HHLA2: variants seen among roughly 807,000 people sequenced by gnomAD.
HHLA2 encodes the protein HERV-H LTR-associating protein 2.
In HHLA2, 48 loss-of-function variants were observed where a neutral mutation model predicts 45.9. The ratio of observed to expected loss-of-function variants is 1.05; its 90% confidence interval spans 0.83 to 1.33. The LOEUF is 1.33. Ranked by LOEUF, HHLA2 falls within the 40% of genes most tolerant of loss-of-function variation. HHLA2 has a pLI of 0.00. For synonymous variants in HHLA2, 161 were observed against 173.9 expected, an observed-to-expected ratio of 0.93 and a Z score of 0.59; for missense variants, 462 against 494.3, an observed-to-expected ratio of 0.93 and a Z score of 0.62.
chr3:108,359,761 C>A (rs2081957165), intron 7 of HHLA2, among the ~76,000 whole-genome samples: 1 of 152,198 alleles, frequency 6.6e-6, no homozygotes, highest in Non-Finnish European at 1.5e-5. Context: ...AACATTCCTA[C>A]TTAATCTCTC....
At chr3:108,303,803 C>T (rs1028499837) in intron 1 of HHLA2, among the ~76,000 whole-genome samples, 8 of 152,176 alleles carry the variant, frequency 5.3e-5, no homozygotes, top group Middle Eastern at 3.4e-3. Flanking sequence ...ATAGTAGGTA[C>T]GTGATGGGCT....
At position 108,376,484 on chromosome 3, in the gene HHLA2, T is replaced by G; in HGVS notation, c.1160-9T>G. 1 of 1,595,104 alleles carries G rather than the reference T, an allele frequency of 6.3e-7. No individual in the cohort carries two copies. The highest frequency in any genetic ancestry group is 8.5e-7 in the Non-Finnish European group (1 of 1,173,902). On this transcript the variant is annotated splice_polypyrimidine_tract_variant and intron_variant, in intron 9 of 10. Transcript: ENST00000619531. ...AATTATTTTTAAGTTCTCTTTTTTT[T>G]TCCTGTAGAAAGATGTTGTGTCCCT...
chr3:108,373,544 G>C (rs1353941636), intron 8 of HHLA2, among the ~76,000 whole-genome samples: 2 of 152,192 alleles, frequency 1.3e-5, no homozygotes, highest in African/African-American at 4.8e-5. Context: ...AATTGTCCCT[G>C]TTTGCAGATG....
Position 108,376,487 on chromosome 3 carries a change from CT to C in HHLA2, c.1160-5del, listed in dbSNP as rs2082277184. 3 of 1,586,632 alleles carry C rather than the reference CT, an allele frequency of 1.9e-6. No individual in the cohort carries two copies. Among genetic ancestry groups the C allele is most frequent in the Non-Finnish European group, 2.6e-6 (3 of 1,171,180 alleles). ...TATTTTTAAGTTCTCTTTTTTTTTC[CT>C]GTAGAAAGATGTTGTGTCCCTCCTG... On this transcript the variant is annotated splice_polypyrimidine_tract_variant and splice_region_variant and intron_variant, in intron 9 of 10. Coordinates refer to ENST00000619531, the Ensembl canonical transcript of HHLA2.
chr3:108,318,590 A>G (rs1169588619), intron 2 of HHLA2, among the ~76,000 whole-genome samples: 3 of 152,192 alleles, frequency 2.0e-5, no homozygotes, highest in Non-Finnish European at 4.4e-5. Context: ...TTTTCCCCCA[A>G]CATCTTTTTC....
At chr3:108,356,573 G>A (rs1201986020) in intron 6 of HHLA2, among the ~76,000 whole-genome samples, 1 of 152,190 alleles carries the variant, frequency 6.6e-6, no homozygotes, top group Admixed American at 6.5e-5. Flanking sequence ...ATGGGAAAGG[G>A]TTGCAAATGT....
At chr3:108,299,876 A>G (rs539382516) in intron 1 of HHLA2, among the ~76,000 whole-genome samples, 24 of 152,288 alleles carry the variant, frequency 1.6e-4, no homozygotes, top group African/African-American at 5.3e-4. Flanking sequence ...TGAGATACAG[A>G]ATCCCTAAAG....
intron 1 of HHLA2, among the ~76,000 whole-genome samples, chr3:108,303,547 GTC>G (rs906729500): frequency 6.6e-6 from 1 of 151,914 alleles, no homozygotes. Context: ...ACATATGCTG[GTC>G]ATTAATTTCT....
chr3:108,313,163 T>C (rs576870949), intron 2 of HHLA2, among the ~76,000 whole-genome samples: 1 of 152,338 alleles, frequency 6.6e-6, no homozygotes, highest in Non-Finnish European at 1.5e-5. Context: ...AAGTCTGTTT[T>C]AAGACTAGAA....
chr3:108,339,978 C>T (rs1463424), intron 3 of HHLA2, among the ~76,000 whole-genome samples: 96,147 of 151,962 alleles, frequency 0.63, 31,341 homozygotes, highest in African/African-American at 0.75. Context: ...TGAGGAGTGG[C>T]AACAGATGTG....
intron 3 of HHLA2, among the ~76,000 whole-genome samples, chr3:108,343,719 G>A (rs939094687): frequency 6.6e-5 from 10 of 152,136 alleles, no homozygotes; most frequent in African/African-American, 2.4e-4. Flanking sequence ...GGATTGAGTG[G>A]GAATGATTAA....
At chr3:108,367,779 C>T (rs1334257893) in intron 8 of HHLA2, among the ~76,000 whole-genome samples, 1 of 152,118 alleles carries the variant, frequency 6.6e-6, no homozygotes, top group African/African-American at 2.4e-5. Context: ...TTGGAAAACA[C>T]ACTTCAGGAT....
intron 3 of HHLA2, among the ~76,000 whole-genome samples, chr3:108,340,884 CAA>C (rs2081553861): frequency 8.2e-6 from 1 of 122,328 alleles, no homozygotes; most frequent in Admixed American, 1.1e-4. Context: ...GTAAAATAGC[CAA>C]ACTCTTTTCT....
chr3:108,377,304 C>T (rs1360833410), exon 11 of HHLA2: 2 of 1,553,524 alleles, frequency 1.3e-6, no homozygotes, highest in Non-Finnish European at 1.8e-6. Context: ...TGTGACAACT[C>T]ATGACCTGCA....
At chr3:108,358,072 T>C in exon 7 of HHLA2, 2 of 1,613,800 alleles carry the variant, frequency 1.2e-6, no homozygotes, top group Non-Finnish European at 1.7e-6. Context: ...ATGAATTTGA[T>C]GGATCTTAAT....
chr3:108,333,598 C>CAAAAAAA (rs5851586), intron 3 of HHLA2, among the ~76,000 whole-genome samples: 4 of 108,254 alleles, frequency 3.7e-5, no homozygotes, highest in East Asian at 3.2e-4. Flanking sequence ...TCTCAGTAAC[C>CAAAAAAA]AAAAAAAAAA....
intron 6 of HHLA2, among the ~76,000 whole-genome samples, chr3:108,355,831 C>T (rs2081879583): frequency 6.6e-6 from 1 of 152,044 alleles, no homozygotes. Flanking sequence ...AGTATTATTG[C>T]TTCTTTTTAG....
At chr3:108,322,613 A>G (rs2081222642) in intron 2 of HHLA2, among the ~76,000 whole-genome samples, 1 of 152,192 alleles carries the variant, frequency 6.6e-6, no homozygotes, top group African/African-American at 2.4e-5. Flanking sequence ...CCAACCGCCT[A>G]TCTATGATAA....
intron 1 of HHLA2, among the ~76,000 whole-genome samples, chr3:108,303,641 TTGAAC>T (rs1408117800): frequency 1.3e-5 from 2 of 152,216 alleles, no homozygotes; most frequent in African/African-American, 2.4e-5. Context: ...TTTCTGTTCT[TTGAAC>T]TGTTTTATTC....
Sources: allele counts gnomAD v4.1 joint callset (sites outside exome capture counted in the v4.1 genomes callset), GRCh38; gene constraint gnomAD v4.1.1; transcripts MANE v1.5; gene names NCBI Gene and HGNC (gene_info 2026-07-23, HGNC 2026-07-21).